Variants in CUL5 observed in about 807,000 individuals in gnomAD.
The protein encoded by CUL5 is cullin 5, also known as cullin-5.
Under a neutral mutation model 108.8 loss-of-function variants are expected in CUL5, and 26 were observed. That is an observed-to-expected ratio of 0.24 (90% CI 0.18 to 0.33). The LOEUF (loss-of-function observed/expected upper bound fraction) is 0.33. Ranked by LOEUF, CUL5 falls within the 10% of genes least tolerant of loss-of-function variation. The pLI is 1.00. For missense variants in CUL5, 524 were observed against 909.2 expected, an observed-to-expected ratio of 0.58 and a Z score of 5.45; for synonymous variants, 334 against 298.0, an observed-to-expected ratio of 1.12 and a Z score of -1.25.
In CUL5 at chr11:108,095,801, C is replaced by T. The variant is rs1323513007; in HGVS notation, c.1905+110C>T. 2.1e-5 allele frequency: 22 copies of T among 1,066,142 alleles called. No homozygotes were observed. In the Admixed American group the frequency reaches 3.1e-4, roughly 15 times the overall value. 66.0% of individuals were successfully genotyped at this position (1,066,142 alleles called of 1,614,324 possible). On this transcript the variant is annotated intron_variant, in intron 16 of 18. Coordinates refer to ENST00000393094, the MANE Select transcript of CUL5 (RefSeq NM_003478.6). Reference sequence around the variant, plus strand: ...TCATAACAGTTTCAGAATGTCTTATCAAGAAAAATAGAGGCCGGGCACAGT... The same window carrying T: ...TCATAACAGTTTCAGAATGTCTTATTAAGAAAAATAGAGGCCGGGCACAGT...
At chr11:108,058,157 C>T (rs1352796786) in intron 7 of CUL5, among the ~76,000 whole-genome samples, 15 of 141,742 alleles carry the variant, frequency 1.1e-4, no homozygotes, top group East Asian at 4.2e-4. Context: ...TGCAGTGAGC[C>T]GAGATTGCGC....
At position 108,106,030 on chromosome 11, in the gene CUL5, G is replaced by A. The variant is rs143152474; in HGVS notation, c.*1646G>A. ...GAAACTTATAGGAAATTGGAATTTT[G>A]TTTAAAATTTTACACTTTAAGGTAG... On this transcript the variant is annotated 3_prime_UTR_variant, in exon 19 of 19. Transcript: ENST00000393094. 37 of 152,174 alleles carry A rather than the reference G, an allele frequency of 2.4e-4. No individual in the cohort carries two copies. The highest frequency in any genetic ancestry group is 8.4e-4 in the African/African-American group (35 of 41,532). 9.4% of individuals were successfully genotyped at this position (152,174 alleles called of 1,614,324 possible).
At chr11:108,096,053 G>A (rs553403529) in intron 16 of CUL5, among the ~76,000 whole-genome samples, 4 of 149,262 alleles carry the variant, frequency 2.7e-5, no homozygotes, top group South Asian at 2.1e-4. Flanking sequence ...CCAAGATTGC[G>A]CCACTACACT....
chr11:108,009,473 C>A, intron 1 of CUL5, 101 bp downstream of exon 1: 2 of 1,318,494 alleles, frequency 1.5e-6, no homozygotes, highest in South Asian at 2.5e-5. Context: ...TGGGAGTGTT[C>A]AGGGGTTGTC....
At chr11:108,078,106 T>C (rs1426470583) in intron 10 of CUL5, 70 bp from the exon 11 acceptor site, 1 of 876,498 alleles carries the variant, frequency 1.1e-6, no homozygotes, top group Non-Finnish European at 1.8e-6. Context: ...TTATGTGTTT[T>C]GGGATGTATA....
At chr11:108,035,342 C>G (rs895623225) in intron 2 of CUL5, among the ~76,000 whole-genome samples, 2 of 152,122 alleles carry the variant, frequency 1.3e-5, no homozygotes, top group Non-Finnish European at 2.9e-5. Context: ...GAGAATAAGC[C>G]TTTTTCTTTG....
intron 11 of CUL5, among the ~76,000 whole-genome samples, chr11:108,084,697 G>A (rs1367999654): frequency 6.6e-6 from 1 of 152,196 alleles, no homozygotes; most frequent in East Asian, 1.9e-4. Flanking sequence ...GCGATCTCAG[G>A]TGATCCTGAT....
At chr11:108,078,095 T>G in intron 10 of CUL5, 81 bp from the exon 11 acceptor site, 1 of 773,576 alleles carries the variant, frequency 1.3e-6, no homozygotes, top group Non-Finnish European at 2.0e-6. Flanking sequence ...CTAACATATT[T>G]TTATGTGTTT....
chr11:108,102,916 C>G (rs945102316), intron 18 of CUL5, among the ~76,000 whole-genome samples: 41 of 151,970 alleles, frequency 2.7e-4, no homozygotes, highest in African/African-American at 9.7e-4. Context: ...TTTCTTCAGC[C>G]TCCTGAATAG....
At chr11:108,086,917 T>A (rs754707359) in intron 11 of CUL5, among the ~76,000 whole-genome samples, 2 of 152,250 alleles carry the variant, frequency 1.3e-5, no homozygotes, top group Non-Finnish European at 2.9e-5. Flanking sequence ...AGTTTCTACT[T>A]CTTTGCTTTC....
chr11:108,077,975 AC>A (rs1420489398), intron 10 of CUL5, among the ~76,000 whole-genome samples, 200 bp from the exon 11 acceptor site: 1 of 152,032 alleles, frequency 6.6e-6, no homozygotes, highest in Non-Finnish European at 1.5e-5. Flanking sequence ...ACCAACAACA[AC>A]AAAAAAACCT....
chr11:108,026,572 A>T (rs1862456388), intron 1 of CUL5, among the ~76,000 whole-genome samples: 3 of 152,022 alleles, frequency 2.0e-5, no homozygotes, highest in Admixed American at 1.3e-4. Context: ...GCTAGATCCC[A>T]TTCCCTCTTG....
At chr11:108,013,736 T>C (rs918218156) in intron 1 of CUL5, among the ~76,000 whole-genome samples, 1 of 152,104 alleles carries the variant, frequency 6.6e-6, no homozygotes. Context: ...TTTTATCCTT[T>C]AAGAGGAAAG....
intron 1 of CUL5, among the ~76,000 whole-genome samples, chr11:108,015,857 AT>A (rs1862174280): frequency 6.6e-6 from 1 of 152,180 alleles, no homozygotes; most frequent in Non-Finnish European, 1.5e-5. Context: ...GAGGAGGGGA[AT>A]TTTAGACTGC....
At chr11:108,013,142 C>CA (rs1308211462) in intron 1 of CUL5, among the ~76,000 whole-genome samples, 1 of 152,144 alleles carries the variant, frequency 6.6e-6, no homozygotes, top group Admixed American at 6.5e-5. Context: ...TATTATTGCT[C>CA]ATTTCCTCTG....
chr11:108,082,860 C>T (rs1319731669), intron 11 of CUL5, among the ~76,000 whole-genome samples: 2 of 151,880 alleles, frequency 1.3e-5, no homozygotes, highest in African/African-American at 4.8e-5. Context: ...TTCCTGGGTT[C>T]AAGTGAGCCT....
At chr11:108,079,740 C>G (rs73557155) in intron 11 of CUL5, among the ~76,000 whole-genome samples, 1 of 152,014 alleles carries the variant, frequency 6.6e-6, no homozygotes, top group African/African-American at 2.4e-5. Context: ...TATTCCCAGT[C>G]GGTCCCACCC....
chr11:108,038,702 A>G (rs1862810308), intron 2 of CUL5, among the ~76,000 whole-genome samples: 1 of 151,710 alleles, frequency 6.6e-6, no homozygotes, highest in South Asian at 2.1e-4. Context: ...AAGATCTTTC[A>G]TCTCCTTGGA....
At chr11:108,029,610 T>C (rs1426633957) in intron 1 of CUL5, among the ~76,000 whole-genome samples, 1 of 152,258 alleles carries the variant, frequency 6.6e-6, no homozygotes, top group Non-Finnish European at 1.5e-5. Flanking sequence ...TATGATTTAA[T>C]GATATGCTCT....
Sources: gnomAD v4.1 joint callset for allele counts (sites outside exome capture counted in the v4.1 genomes callset) on GRCh38, gnomAD v4.1.1 for gene constraint, MANE v1.5 for transcripts, NCBI Gene and HGNC (gene_info 2026-07-23, HGNC 2026-07-21) for gene names.